GALNTL6: variants seen among roughly 807,000 people sequenced by gnomAD.
GALNTL6 encodes polypeptide N-acetylgalactosaminyltransferase-like 6.
In GALNTL6, 46 loss-of-function variants were observed where a neutral mutation model predicts 73.7. The ratio of observed to expected loss-of-function variants is 0.62; its 90% CI spans 0.49 to 0.80. The LOEUF is 0.80. Among genes scored for constraint, GALNTL6 ranks in the 30% least tolerant of loss-of-function variants. The pLI is 0.00. For synonymous variants in GALNTL6, 259 were observed against 263.7 expected (o/e 0.98, Z 0.17); for missense variants, 604 against 755.0 (o/e 0.80, Z 2.34).
intron 10 of GALNTL6, among the ~76,000 whole-genome samples, chr4:172,954,741 C>G (rs967181002): frequency 1.3e-5 from 2 of 152,124 alleles, no homozygotes; most frequent in Non-Finnish European, 2.9e-5. Context: ...GTGCTGGAAT[C>G]GCAAGCATGA....
chr4:172,752,774 CTGA>C (rs1737503188), intron 5 of GALNTL6, among the ~76,000 whole-genome samples: 1 of 151,932 alleles, frequency 6.6e-6, no homozygotes, highest in Admixed American at 6.6e-5. Flanking sequence ...TGTATCCATG[CTGA>C]TTTTAAAAGT....
intron 2 of GALNTL6, among the ~76,000 whole-genome samples, chr4:172,169,583 G>A (rs1339363931): frequency 6.6e-6 from 1 of 152,044 alleles, no homozygotes; most frequent in Non-Finnish European, 1.5e-5. Context: ...TAAAGGCCTT[G>A]ATAATATTTC....
At chr4:172,050,008 GAA>G (rs10716022) in intron 2 of GALNTL6, among the ~76,000 whole-genome samples, 1 of 151,164 alleles carries the variant, frequency 6.6e-6, no homozygotes. Flanking sequence ...GAAGGAAAAA[GAA>G]AAAAAAAATG....
chr4:172,805,640 C>T (rs181148553), intron 5 of GALNTL6, among the ~76,000 whole-genome samples: 46 of 152,016 alleles, frequency 3.0e-4, no homozygotes, highest in Admixed American at 9.2e-4. Context: ...AATAAAACCC[C>T]GTAAATTTCC....
chr4:172,257,865 T>C (rs1483802838), intron 3 of GALNTL6, among the ~76,000 whole-genome samples: 4 of 151,354 alleles, frequency 2.6e-5, no homozygotes, highest in African/African-American at 4.8e-5. Flanking sequence ...ATATATGTAC[T>C]GTTGATTTCC....
At chr4:172,432,117 C>G (rs528427863) in intron 5 of GALNTL6, among the ~76,000 whole-genome samples, 1 of 152,156 alleles carries the variant, frequency 6.6e-6, no homozygotes, top group South Asian at 2.1e-4. Context: ...TTACCTCTAT[C>G]ACATATCATA....
chr4:172,914,040 T>A (rs1747361367), intron 8 of GALNTL6, among the ~76,000 whole-genome samples: 1 of 152,202 alleles, frequency 6.6e-6, no homozygotes, highest in African/African-American at 2.4e-5. Context: ...TAACAGCTAA[T>A]CTCTCAGCAG....
At chr4:171,852,047 T>C (rs977560047) in intron 2 of GALNTL6, among the ~76,000 whole-genome samples, 3 of 152,146 alleles carry the variant, frequency 2.0e-5, no homozygotes, top group African/African-American at 7.2e-5. Flanking sequence ...TACCTTTCAG[T>C]GACCAGGCAA....
At chr4:172,193,706 C>CA (rs1299136187) in intron 2 of GALNTL6, among the ~76,000 whole-genome samples, 43 of 150,080 alleles carry the variant, frequency 2.9e-4, no homozygotes, top group African/African-American at 1.0e-3. Flanking sequence ...ACTAAAAATA[C>CA]AAAAAAATTA....
At chr4:172,789,328 A>T (rs897862668) in intron 5 of GALNTL6, among the ~76,000 whole-genome samples, 7 of 152,176 alleles carry the variant, frequency 4.6e-5, no homozygotes, top group Non-Finnish European at 1.0e-4. Flanking sequence ...AGCTTGTCCA[A>T]TCCGTGTCTC....
intron 9 of GALNTL6, 40 bp from the exon 10 acceptor site, chr4:172,951,997 A>C: frequency 1.4e-6 from 2 of 1,474,658 alleles, no homozygotes; most frequent in Non-Finnish European, 1.8e-6. Context: ...TTTTGAATGA[A>C]TAAACCAATA....
intron 2 of GALNTL6, among the ~76,000 whole-genome samples, chr4:171,930,897 A>T (rs768732033): frequency 1.3e-5 from 2 of 152,178 alleles, no homozygotes; most frequent in Non-Finnish European, 2.9e-5. Context: ...CACCACTTTT[A>T]TTCAACATAT....
chr4:172,960,986 ACACGGG>A (rs1750019244), intron 10 of GALNTL6, among the ~76,000 whole-genome samples: 1 of 143,092 alleles, frequency 7.0e-6, no homozygotes, highest in African/African-American at 2.6e-5. Context: ...AGGGGTAGAG[ACACGGG>A]GAGAAGGGGT....
intron 10 of GALNTL6, among the ~76,000 whole-genome samples, chr4:172,993,877 G>C (rs1177292169): frequency 6.6e-6 from 1 of 152,116 alleles, no homozygotes; most frequent in Non-Finnish European, 1.5e-5. Flanking sequence ...AGCCGAGATT[G>C]TGCCACTGCA....
chr4:172,456,681 T>G (rs1446869476), intron 5 of GALNTL6, among the ~76,000 whole-genome samples: 1 of 151,606 alleles, frequency 6.6e-6, no homozygotes, highest in Non-Finnish European at 1.5e-5. Context: ...AAACAAAGCC[T>G]CCAAGAAATA....
At chr4:172,807,263 G>C (rs1030808042) in intron 5 of GALNTL6, among the ~76,000 whole-genome samples, 1 of 152,130 alleles carries the variant, frequency 6.6e-6, no homozygotes, top group Non-Finnish European at 1.5e-5. Context: ...GCACAATACT[G>C]CTTATATACT....
At chr4:172,091,229 C>T (rs373551036) in intron 2 of GALNTL6, among the ~76,000 whole-genome samples, 24 of 152,086 alleles carry the variant, frequency 1.6e-4, no homozygotes, top group African/African-American at 5.1e-4. Context: ...TTGCATACAT[C>T]TTACAAGACT....
At chr4:172,416,446 T>G (rs542337555) in intron 5 of GALNTL6, among the ~76,000 whole-genome samples, 34 of 152,298 alleles carry the variant, frequency 2.2e-4, no homozygotes, top group Non-Finnish European at 3.5e-4. Flanking sequence ...TTAGAAGAGA[T>G]AAACGAATAC....
chr4:172,315,642 C>T (rs61440606), intron 4 of GALNTL6, among the ~76,000 whole-genome samples: 3,678 of 152,254 alleles, frequency 0.024, 148 homozygotes, highest in African/African-American at 0.08. Context: ...ATGTCTGTAT[C>T]CATAGTGCCT....
Sources: allele counts gnomAD v4.1 joint callset (sites outside exome capture counted in the v4.1 genomes callset), GRCh38; gene constraint gnomAD v4.1.1; transcripts MANE v1.5; gene names NCBI Gene and HGNC (gene_info 2026-07-23, HGNC 2026-07-21).